AK5: variants seen among roughly 807,000 people sequenced by gnomAD.
The protein encoded by AK5 is adenylate kinase 5.
Under a neutral mutation model 69.5 loss-of-function variants are expected in AK5, and 27 were observed. That is an observed-to-expected ratio of 0.39 (90% confidence interval 0.29 to 0.54). The LOEUF is 0.54. Among genes scored for constraint, AK5 ranks in the 20% least tolerant of loss-of-function variants. The pLI, the probability that AK5 is intolerant of heterozygous loss-of-function variation, is 0.71. For missense variants in AK5, 531 were observed against 700.4 expected, an observed-to-expected ratio of 0.76 and a Z score of 2.73; for synonymous variants, 260 against 244.4, an observed-to-expected ratio of 1.06 and a Z score of -0.60.
rs529732855 is a variant in AK5 at position 77,417,804 on chromosome 1, T to C, written c.1059+89T>C. The C allele has an allele frequency of 5.2e-5, 41 of 783,452 alleles. 1 individual carries two copies. The South Asian group carries it at 6.5e-4, about 12-fold the overall frequency. The allele number at this position is 783,452 out of a possible 1,614,324, so 48.5% of individuals were successfully genotyped here. A position where few individuals can be genotyped will look rare whatever the true frequency, so the allele number is the denominator to read the frequency against. Reference sequence around the variant, plus strand: ...TTATGAAAATTTGAATTATAAAAACTCATTTTGTGAAATATATACAGATAA... The same window carrying C: ...TTATGAAAATTTGAATTATAAAAACCCATTTTGTGAAATATATACAGATAA... On this transcript the variant is annotated intron_variant, in intron 8 of 13. Coordinates refer to ENST00000354567, the MANE Select transcript of AK5 (RefSeq NM_174858.3).
At chr1:77,545,141 C>A (rs1659475599) in intron 13 of AK5, among the ~76,000 whole-genome samples, 1 of 152,208 alleles carries the variant, frequency 6.6e-6, no homozygotes, top group South Asian at 2.1e-4. Flanking sequence ...ATTAACAATG[C>A]CCTTCACAAC....
chr1:77,301,496 G>C (rs917466543), intron 5 of AK5, among the ~76,000 whole-genome samples: 1 of 152,180 alleles, frequency 6.6e-6, no homozygotes, highest in African/African-American at 2.4e-5. Context: ...GAACTAACTA[G>C]CATCTTCTCC....
intron 5 of AK5, chr1:77,313,693 G>T (rs1188361457): frequency 2.3e-6 from 1 of 439,490 alleles, no homozygotes; most frequent in African/African-American, 2.0e-5. Context: ...GCCCTCTGCT[G>T]GCAGAACTGG....
At chr1:77,327,805 C>G (rs1369831386) in intron 5 of AK5, among the ~76,000 whole-genome samples, 4 of 152,228 alleles carry the variant, frequency 2.6e-5, no homozygotes, top group Non-Finnish European at 5.9e-5. Flanking sequence ...GTTATTTGCC[C>G]TCTATTCATA....
chr1:77,433,817 A>G (rs1362204155), intron 8 of AK5, among the ~76,000 whole-genome samples: 1 of 152,020 alleles, frequency 6.6e-6, no homozygotes, highest in Non-Finnish European at 1.5e-5. Flanking sequence ...CATGTAATTA[A>G]TTCTTTTCCT....
intron 8 of AK5, among the ~76,000 whole-genome samples, chr1:77,466,958 A>G (rs1654180267): frequency 6.6e-6 from 1 of 152,212 alleles, no homozygotes; most frequent in African/African-American, 2.4e-5. Flanking sequence ...TGCAGGTAGC[A>G]GAAATGAAAA....
At chr1:77,425,502 G>A (rs543210904) in intron 8 of AK5, among the ~76,000 whole-genome samples, 1 of 152,106 alleles carries the variant, frequency 6.6e-6, no homozygotes, top group Admixed American at 6.6e-5. Flanking sequence ...CAGGAGAATT[G>A]CTTGAAACCA....
At chr1:77,329,583 C>T (rs1446004842) in intron 5 of AK5, among the ~76,000 whole-genome samples, 1 of 152,180 alleles carries the variant, frequency 6.6e-6, no homozygotes. Context: ...TTCTAACAGG[C>T]TTCTAGAGGA....
chr1:77,379,401 T>C (rs1309946181), intron 6 of AK5, among the ~76,000 whole-genome samples: 1 of 152,192 alleles, frequency 6.6e-6, no homozygotes, highest in Non-Finnish European at 1.5e-5. Context: ...GACAGCAGAA[T>C]TATTTATCCT....
intron 8 of AK5, among the ~76,000 whole-genome samples, chr1:77,457,151 C>T (rs1215552295): frequency 6.6e-6 from 1 of 152,168 alleles, no homozygotes; most frequent in African/African-American, 2.4e-5. Context: ...GCCCTCCTCT[C>T]TCCTCACATT....
At chr1:77,485,669 G>A (rs1655542006) in intron 9 of AK5, among the ~76,000 whole-genome samples, 1 of 152,170 alleles carries the variant, frequency 6.6e-6, no homozygotes, top group African/African-American at 2.4e-5. Flanking sequence ...TTTTAAATGT[G>A]AAATAACACC....
rs1337300751 is a variant in AK5, at chr1:77,340,411, G to A, written c.734G>A (p.Cys245Tyr). 1 of 1,614,014 alleles carries A rather than the reference G, an allele frequency of 6.2e-7. No homozygotes were observed. Among genetic ancestry groups the A allele is most frequent in the Admixed American group, 1.7e-5 (1 of 60,018 alleles). ...CCCGATTTGGTGGTATTCCTGGCTTGTGCTAATCAGAGACTCAAAGAAAGA... is the reference window on the plus strand; with the variant it reads ...CCCGATTTGGTGGTATTCCTGGCTTATGCTAATCAGAGACTCAAAGAAAGA... ...CTPDLVVFLACANQRLKERLL... is the reference protein window; with the variant it reads ...CTPDLVVFLAYANQRLKERLL... Residue 245 changes from cysteine (C) to tyrosine (Y), a missense_variant, in exon 6 of 14, where the codon TGT becomes TAT. Transcript: ENST00000354567.
At chr1:77,319,103 C>T (rs1441277185) in intron 5 of AK5, among the ~76,000 whole-genome samples, 1 of 152,168 alleles carries the variant, frequency 6.6e-6, no homozygotes, top group East Asian at 1.9e-4. Context: ...GGAGTAGTTA[C>T]TTCAACCTAG....
At chr1:77,425,969 A>G (rs1202782738) in intron 8 of AK5, among the ~76,000 whole-genome samples, 2 of 152,250 alleles carry the variant, frequency 1.3e-5, no homozygotes, top group Non-Finnish European at 2.9e-5. Flanking sequence ...AAAAGTGAGA[A>G]AAGAAGTATA....
At chr1:77,526,321 G>A (rs545297560) in intron 12 of AK5, among the ~76,000 whole-genome samples, 2 of 152,222 alleles carry the variant, frequency 1.3e-5, no homozygotes, top group South Asian at 2.1e-4. Context: ...TTGTAGATGT[G>A]TAATAACTGC....
At chr1:77,397,327 C>T (rs762764500) in intron 6 of AK5, among the ~76,000 whole-genome samples, 1 of 152,172 alleles carries the variant, frequency 6.6e-6, no homozygotes, top group African/African-American at 2.4e-5. Flanking sequence ...ACCTCCATCA[C>T]AGCCCTTCCC....
intron 8 of AK5, among the ~76,000 whole-genome samples, chr1:77,422,781 T>A (rs1650903585): frequency 6.6e-6 from 1 of 152,254 alleles, no homozygotes; most frequent in Non-Finnish European, 1.5e-5. Flanking sequence ...ATATGGCATA[T>A]GCTCAATAAA....
rs538395071 is a variant in AK5, at chr1:77,334,577, C to T, written c.700-5800C>T. ...TTTCTAGAGCCTTCTAACCATGTCT[C>T]AGGTGTCTCTTTTGCTCCTTTCCAT... On this transcript the variant is annotated intron_variant, in intron 5 of 13. Coordinates refer to ENST00000354567, the MANE Select transcript of AK5 (RefSeq NM_174858.3). Among the ~76,000 whole-genome samples the T allele has an allele frequency of 2.0e-5, 3 of 152,138 alleles. No homozygotes were observed. In the South Asian group the frequency reaches 6.2e-4, roughly 31 times the overall value.
At chr1:77,517,296 A>T (rs1479452149) in intron 10 of AK5, among the ~76,000 whole-genome samples, 1 of 152,144 alleles carries the variant, frequency 6.6e-6, no homozygotes, top group Non-Finnish European at 1.5e-5. Flanking sequence ...TGACATGCAG[A>T]GGTGGAGTGA....
Sources: allele counts gnomAD v4.1 joint callset (sites outside exome capture counted in the v4.1 genomes callset), GRCh38; gene constraint gnomAD v4.1.1; transcripts MANE v1.5; gene names NCBI Gene and HGNC (gene_info 2026-07-23, HGNC 2026-07-21).